The following ANXA4 variants were observed in gnomAD, a reference collection of about 807,000 sequenced individuals.
ANXA4 encodes annexin A4.
ANXA4 carries 39 observed loss-of-function variants against 49.8 expected under a neutral mutation model. That is an observed-to-expected ratio of 0.78 (90% CI 0.61 to 1.02). The LOEUF (loss-of-function observed/expected upper bound fraction) is 1.02, where lower values mean the gene tolerates loss of function less well. ANXA4 is among the 50% of genes least tolerant of loss of function. The pLI is 0.00. For missense variants in ANXA4, 360 were observed against 410.1 expected (o/e 0.88, Z 1.05); for synonymous variants, 134 against 152.5 (o/e 0.88, Z 0.89).
chr2:69,733,848 T>A (rs1670170837), intron 3 of ANXA4, among the ~76,000 whole-genome samples: 1 of 152,224 alleles, frequency 6.6e-6, no homozygotes, highest in Non-Finnish European at 1.5e-5. Flanking sequence ...ATGTTTTTTA[T>A]GTTCCCGAAT....
At chr2:69,662,653 T>C (rs1423052086) in intron 2 of ANXA4, among the ~76,000 whole-genome samples, 1 of 152,122 alleles carries the variant, frequency 6.6e-6, no homozygotes, top group African/African-American at 2.4e-5. Flanking sequence ...TACTTTTCTT[T>C]GGGGACTCTA....
intron 2 of ANXA4, among the ~76,000 whole-genome samples, chr2:69,708,758 C>T (rs1162537033): frequency 3.3e-5 from 5 of 151,976 alleles, no homozygotes; most frequent in South Asian, 2.1e-4. Flanking sequence ...TTCTTTGCCT[C>T]GACTGCATCT....
chr2:69,718,794 T>C (rs1295569143), intron 2 of ANXA4, among the ~76,000 whole-genome samples: 6 of 147,628 alleles, frequency 4.1e-5, no homozygotes, highest in African/African-American at 1.3e-4. Flanking sequence ...TGCATACACA[T>C]ACGTGCATAC....
At chr2:69,648,887 TC>T (rs146536751) in intron 1 of ANXA4, among the ~76,000 whole-genome samples, 6,272 of 134,252 alleles carry the variant, frequency 0.047, 849 homozygotes, top group African/African-American at 0.17. Flanking sequence ...TTCTTTCTTT[TC>T]TTTTTTTTTT....
intron 2 of ANXA4, among the ~76,000 whole-genome samples, chr2:69,670,844 G>A (rs1423299767): frequency 6.6e-6 from 1 of 151,908 alleles, no homozygotes; most frequent in Non-Finnish European, 1.5e-5. Context: ...GAGCAACATA[G>A]TGAGACCCCT....
intron 2 of ANXA4, among the ~76,000 whole-genome samples, chr2:69,668,633 C>T (rs560982046): frequency 2.3e-3 from 348 of 152,106 alleles, no homozygotes; most frequent in Non-Finnish European, 3.5e-3. Context: ...AATTTAGAAC[C>T]GTCATTTCAT....
chr2:69,752,699 A>G (rs1670895349), intron 1 of ANXA4, among the ~76,000 whole-genome samples: 1 of 152,230 alleles, frequency 6.6e-6, no homozygotes, highest in South Asian at 2.1e-4. Context: ...CCCTCTGGCT[A>G]GCACAGTGCT....
At chr2:69,688,367 A>C (rs1266763154) in intron 2 of ANXA4, among the ~76,000 whole-genome samples, 1 of 152,160 alleles carries the variant, frequency 6.6e-6, no homozygotes, top group Non-Finnish European at 1.5e-5. Context: ...TTTTATAGGG[A>C]TTGCTTTTCA....
intron 2 of ANXA4, among the ~76,000 whole-genome samples, chr2:69,684,928 A>T (rs1677733566): frequency 6.6e-6 from 1 of 152,174 alleles, no homozygotes; most frequent in African/African-American, 2.4e-5. Flanking sequence ...GAAAGAGCCC[A>T]AAGCTGCTCC....
chr2:69,799,849 A>G (rs1234596842), intron 3 of ANXA4, among the ~76,000 whole-genome samples: 1 of 152,206 alleles, frequency 6.6e-6, no homozygotes, highest in Non-Finnish European at 1.5e-5. Flanking sequence ...TTTCTATCCA[A>G]AAAGAATTCA....
chr2:69,772,894 GT>G (rs1671785016), intron 1 of ANXA4, among the ~76,000 whole-genome samples: 1 of 152,052 alleles, frequency 6.6e-6, no homozygotes, highest in Non-Finnish European at 1.5e-5. Flanking sequence ...GCAGGCGTCT[GT>G]GATCCAAGCT....
chr2:69,807,682 C>T (rs914672795), intron 5 of ANXA4, among the ~76,000 whole-genome samples: 2 of 152,120 alleles, frequency 1.3e-5, no homozygotes, highest in African/African-American at 2.4e-5. Flanking sequence ...GGCACAGTAA[C>T]GAACACATAA....
At chr2:69,732,349 G>T (rs2105449001) in intron 3 of ANXA4, among the ~76,000 whole-genome samples, 1 of 152,208 alleles carries the variant, frequency 6.6e-6, no homozygotes, top group African/African-American at 2.4e-5. Flanking sequence ...CGCTCGCTGT[G>T]TCTGTAGATC....
chr2:69,690,564 C>T (rs1456379064), intron 2 of ANXA4, among the ~76,000 whole-genome samples: 1 of 152,078 alleles, frequency 6.6e-6, no homozygotes, highest in Admixed American at 6.6e-5. Flanking sequence ...CTTAGTGGCT[C>T]CACCCTGTTT....
chr2:69,753,092 G>A (rs1670914174), intron 1 of ANXA4, among the ~76,000 whole-genome samples: 1 of 152,198 alleles, frequency 6.6e-6, no homozygotes, highest in African/African-American at 2.4e-5. Context: ...GTTCTCACAT[G>A]CCGCTTTGTC....
At chr2:69,791,157 A>G (rs188639183) in intron 3 of ANXA4, among the ~76,000 whole-genome samples, 4 of 152,234 alleles carry the variant, frequency 2.6e-5, no homozygotes, top group Admixed American at 2.0e-4. Flanking sequence ...TTCCTTCTTG[A>G]GGTTCCAGAA....
At chr2:69,733,134 A>G (rs1287380644) in intron 3 of ANXA4, among the ~76,000 whole-genome samples, 1 of 152,262 alleles carries the variant, frequency 6.6e-6, no homozygotes, top group African/African-American at 2.4e-5. Flanking sequence ...TAGATAGAGT[A>G]AATTTTCATC....
intron 2 of ANXA4, among the ~76,000 whole-genome samples, chr2:69,782,353 T>A (rs1672232972): frequency 6.6e-6 from 1 of 152,150 alleles, no homozygotes; most frequent in African/African-American, 2.4e-5. Context: ...CAAAGAGTAA[T>A]ATACTCTTAA....
rs141113922 is a variant in ANXA4 at position 69,680,816 on chromosome 2, C to T, written n.766+27534C>T. On this transcript the variant is annotated intron_variant and non_coding_transcript_variant, in intron 2 of 3. Transcript: ENST00000418066. ...GTAATGTATCACATTTATTGATTGG[C>T]GTATGTTGAACCATCCTTACATCCC... Among the ~76,000 whole-genome samples the T allele has an allele frequency of 4.7e-3, 721 of 152,172 alleles. 1 individual carries two copies. The highest frequency in any genetic ancestry group is 0.014 in the Middle Eastern group (4 of 294).
Sources: allele counts gnomAD v4.1 joint callset (sites outside exome capture counted in the v4.1 genomes callset), GRCh38; gene constraint gnomAD v4.1.1; transcripts MANE v1.5; gene names NCBI Gene and HGNC (gene_info 2026-07-23, HGNC 2026-07-21).